The following CNIH4 variants were observed in gnomAD, a reference collection of about 807,000 sequenced individuals.
The protein encoded by CNIH4 is cornichon family member 4.
In CNIH4, 9 loss-of-function variants were observed where a neutral mutation model predicts 21.5. The observed-to-expected ratio is 0.42, with a 90% confidence interval of 0.25 to 0.73. The LOEUF (loss-of-function observed/expected upper bound fraction) is 0.73. Ranked by LOEUF, CNIH4 falls within the 30% of genes least tolerant of loss-of-function variation. The pLI, the probability that CNIH4 is intolerant of heterozygous loss-of-function variation, is 0.27. For missense variants in CNIH4, 159 were observed against 170.0 expected, an observed-to-expected ratio of 0.94 and a Z score of 0.36; for synonymous variants, 67 against 59.1, an observed-to-expected ratio of 1.13 and a Z score of -0.61.
Position 224,379,099 on chromosome 1 carries a change from A to G in CNIH4, c.*3277A>G, listed in dbSNP as rs780085863. 4 of 1,550,422 alleles carry G rather than the reference A, an allele frequency of 2.6e-6. No homozygotes were observed. The African/African-American group carries it at 4.1e-5, about 16-fold the overall frequency. On this transcript the variant is annotated 3_prime_UTR_variant, in exon 5 of 5. Transcript: ENST00000465271. Reference sequence around the variant, plus strand: ...GCAACTGCCCTTGCTAATCACCGTAACCTCGGCTGAGAAAGAAGAGGAAGC... The same window carrying G: ...GCAACTGCCCTTGCTAATCACCGTAGCCTCGGCTGAGAAAGAAGAGGAAGC...
At chr1:224,365,779 C>A in intron 2 of CNIH4, 100 bp from the exon 3 acceptor site, 1 of 796,228 alleles carries the variant, frequency 1.3e-6, no homozygotes, top group South Asian at 1.4e-5. Context: ...GAAACAGTAG[C>A]TTGTAAATTC....
intron 3 of CNIH4, among the ~76,000 whole-genome samples, chr1:224,369,799 C>A (rs1204847961): frequency 6.6e-6 from 1 of 151,650 alleles, no homozygotes; most frequent in East Asian, 2.0e-4. Flanking sequence ...GCCTCAGCCT[C>A]CTGAGTAGGT....
intron 3 of CNIH4, among the ~76,000 whole-genome samples, chr1:224,369,656 C>T (rs1264367469): frequency 1.3e-5 from 2 of 151,346 alleles, no homozygotes; most frequent in Non-Finnish European, 2.9e-5. Flanking sequence ...GTAATGGATA[C>T]CCCGTTTACC....
At chr1:224,361,147 A>T (rs1304240767) in intron 2 of CNIH4, among the ~76,000 whole-genome samples, 1 of 124,824 alleles carries the variant, frequency 8.0e-6, no homozygotes, top group African/African-American at 3.1e-5. Context: ...ATGGAGTCTC[A>T]CTCTGTCACC....
At chr1:224,363,111 C>G (rs1173692264) in intron 2 of CNIH4, among the ~76,000 whole-genome samples, 1 of 151,990 alleles carries the variant, frequency 6.6e-6, no homozygotes, top group Non-Finnish European at 1.5e-5. Flanking sequence ...GTGGTGCTAT[C>G]TTGGCTCACT....
At chr1:224,362,454 T>C (rs1672322700) in intron 2 of CNIH4, among the ~76,000 whole-genome samples, 1 of 151,364 alleles carries the variant, frequency 6.6e-6, no homozygotes, top group Non-Finnish European at 1.5e-5. Flanking sequence ...ATCCTTGGTG[T>C]TTTGAAATTT....
At chr1:224,373,168 AGAT>A (rs1197302328) in intron 4 of CNIH4, among the ~76,000 whole-genome samples, 1 of 152,264 alleles carries the variant, frequency 6.6e-6, no homozygotes, top group Non-Finnish European at 1.5e-5. Context: ...CAAGTATCAA[AGAT>A]GATGAATAAG....
chr1:224,356,993 C>G lies in CNIH4; in HGVS notation c.69C>G (p.Phe23Leu), dbSNP rs1672133479. The G allele has an allele frequency of 6.2e-7, 1 of 1,610,858 alleles. No homozygotes were observed. Among genetic ancestry groups the G allele is most frequent in the African/African-American group, 1.3e-5 (1 of 74,928 alleles). The change falls in exon 1 of 5, where the codon TTC (phenylalanine) becomes TTG (leucine). Residue 23 changes from phenylalanine (F) to leucine (L), a missense_variant and splice_region_variant. Phe to Leu is a conservative substitution (Grantham distance 22, BLOSUM62 0). Coordinates refer to ENST00000465271, the MANE Select transcript of CNIH4 (RefSeq NM_014184.4). ...CGCTCATCTTCCTCTCGGTCTACTT[C>G]GTATCCTTGCCTGAGGCAGGCGAAC... is the stretch of plus-strand genomic sequence containing the variant. ...CCALIFLSVY[F>L]IITLSDLECD... is the part of the protein sequence containing the mutation.
chr1:224,371,692 C>T (rs919716311), intron 4 of CNIH4, among the ~76,000 whole-genome samples: 1 of 152,224 alleles, frequency 6.6e-6, no homozygotes, highest in Non-Finnish European at 1.5e-5. Flanking sequence ...CCTGTAATCC[C>T]AGCACTTTGG....
chr1:224,371,539 T>A, intron 4 of CNIH4, 116 bp downstream of exon 4: 1 of 1,005,160 alleles, frequency 9.9e-7, no homozygotes, highest in South Asian at 1.6e-5. Flanking sequence ...ATTATGTAAA[T>A]TCCTTGTGGC....
rs1161587108 is a variant in CNIH4 at position 224,376,714 on chromosome 1, G to A, written c.*892G>A. On this transcript the variant is annotated 3_prime_UTR_variant, in exon 5 of 5. Coordinates refer to ENST00000465271, the MANE Select transcript of CNIH4 (RefSeq NM_014184.4). The stretch of plus-strand genomic sequence containing the variant: ...ACTTCTATCCCTCTGCACTGACCAC[G>A]TTGTGAACTGGGAGACCAAATGCAA... 4 of 985,394 alleles carry A rather than the reference G, an allele frequency of 4.1e-6. No homozygotes were observed. The highest frequency in any genetic ancestry group is 4.8e-6 in the Non-Finnish European group (4 of 829,930). The allele number at this position is 985,394 out of a possible 1,614,324, so 61.0% of individuals were successfully genotyped here.
intron 2 of CNIH4, among the ~76,000 whole-genome samples, chr1:224,361,990 G>T (rs1672301122): frequency 6.6e-6 from 1 of 152,072 alleles, no homozygotes; most frequent in Non-Finnish European, 1.5e-5. Context: ...AGAGTACAGG[G>T]TTCTAGGCTG....
At chr1:224,369,833 C>T (rs143126782) in intron 3 of CNIH4, among the ~76,000 whole-genome samples, 9 of 151,958 alleles carry the variant, frequency 5.9e-5, no homozygotes, top group East Asian at 1.9e-4. Flanking sequence ...TGCGCCACCA[C>T]GCCTGGCTAA....
At chr1:224,366,682 G>A (rs1048080349) in intron 3 of CNIH4, among the ~76,000 whole-genome samples, 1 of 151,728 alleles carries the variant, frequency 6.6e-6, no homozygotes, top group Non-Finnish European at 1.5e-5. Context: ...ATTAGGGCTG[G>A]GTACAGTGGC....
chr1:224,359,632 G>A (rs1307204532), intron 1 of CNIH4, among the ~76,000 whole-genome samples: 8 of 152,168 alleles, frequency 5.3e-5, no homozygotes, highest in South Asian at 2.1e-4. Flanking sequence ...GTGCAGTGGC[G>A]CAATCTTGGC....
At chr1:224,375,171 C>T (rs1238904486) in intron 4 of CNIH4, among the ~76,000 whole-genome samples, 4 of 152,142 alleles carry the variant, frequency 2.6e-5, no homozygotes, top group Non-Finnish European at 4.4e-5. Context: ...ATTGCAGGCC[C>T]GGTTGCTAGT....
chr1:224,359,774 C>G (rs923271008), intron 1 of CNIH4, among the ~76,000 whole-genome samples: 1 of 151,984 alleles, frequency 6.6e-6, no homozygotes, highest in African/African-American at 2.4e-5. Context: ...CTCAGTGTAA[C>G]GTGAATCCTG....
At position 224,371,399 on chromosome 1, in the gene CNIH4, T is replaced by C. The variant is rs1553347711; in HGVS notation, c.368T>C (p.Leu123Pro). 1.9e-6 allele frequency: 3 copies of C among 1,613,986 alleles called. No individual in the cohort carries two copies. The highest frequency in any genetic ancestry group is 2.7e-5 in the African/African-American group (2 of 74,930). The change falls in exon 4 of 5, where the codon CTC (leucine) becomes CCC (proline). Residue 123 changes from leucine (L) to proline (P), a missense_variant. By Grantham distance (98) the Leu-to-Pro change is moderately conservative (BLOSUM62 -3). Coordinates refer to ENST00000465271, the MANE Select transcript of CNIH4 (RefSeq NM_014184.4). ...ATGATCAAGCTTGGTTTCCACTTGCTCTGCTTCTTCATGTATCTTTATAGG... is the reference window on the plus strand; with the variant it reads ...ATGATCAAGCTTGGTTTCCACTTGCCCTGCTTCTTCATGTATCTTTATAGG... Reference protein sequence around the residue: ...EAMIKLGFHLLCFFMYLYSMI... With the variant: ...EAMIKLGFHLPCFFMYLYSMI...
rs1337756805 is a variant in CNIH4 at position 224,378,028 on chromosome 1, G to A, written c.*2206G>A. 6.6e-6 allele frequency: 1 copy of A among 152,062 alleles called. No individual in the cohort carries two copies. Among genetic ancestry groups the A allele is most frequent in the Non-Finnish European group, 1.5e-5 (1 of 68,026 alleles). The allele number at this position is 152,062 out of a possible 1,614,324, so 9.4% of individuals were successfully genotyped here. A position where few individuals can be genotyped will look rare whatever the true frequency, so the allele number is the denominator to read the frequency against. On this transcript the variant is annotated 3_prime_UTR_variant, in exon 5 of 5. Transcript: ENST00000465271. ...TGTATTGCTTGTCTATCAAAGCCAG[G>A]AAAGTGGGGGATCACTGTAGTTAAA...
Sources: gnomAD v4.1 joint callset for allele counts (sites outside exome capture counted in the v4.1 genomes callset) on GRCh38, gnomAD v4.1.1 for gene constraint, MANE v1.5 for transcripts, NCBI Gene and HGNC (gene_info 2026-07-23, HGNC 2026-07-21) for gene names.